Variants in EYA2 observed in about 807,000 individuals in gnomAD.
EYA2 encodes the protein protein phosphatase EYA2.
EYA2 carries 31 observed loss-of-function variants against 69.2 expected under a neutral mutation model. The ratio of observed to expected loss-of-function variants is 0.45; its 90% CI spans 0.34 to 0.60. The LOEUF (loss-of-function observed/expected upper bound fraction) is 0.60. Among genes scored for constraint, EYA2 ranks in the 20% least tolerant of loss-of-function variants. The probability of loss-of-function intolerance (pLI) is 0.02; values close to 1 mark genes in which losing one functional copy is unlikely to be tolerated. For synonymous variants in EYA2, 257 were observed against 279.4 expected, an observed-to-expected ratio of 0.92 and a Z score of 0.80; for missense variants, 622 against 701.2, an observed-to-expected ratio of 0.89 and a Z score of 1.28.
rs1184971102 is a variant in EYA2 at position 47,020,742 on chromosome 20, C to T, written c.415+4445C>T. Among the ~76,000 whole-genome samples, 4 of 152,296 alleles carry T rather than the reference C, an allele frequency of 2.6e-5. No homozygotes were observed. The South Asian group carries it at 8.3e-4, about 32-fold the overall frequency. ...GAAGCACATGGACTTCTCTGTGCCT[C>T]AGTTTCCTCACCTGTGAAACTGGTA... is the stretch of plus-strand genomic sequence containing the variant. On this transcript the variant is annotated intron_variant, in intron 5 of 15. Coordinates refer to ENST00000327619, the MANE Select transcript of EYA2 (RefSeq NM_005244.5).
At chr20:46,973,493 CA>C (rs1178569184) in intron 1 of EYA2, among the ~76,000 whole-genome samples, 1 of 152,162 alleles carries the variant, frequency 6.6e-6, no homozygotes, top group East Asian at 1.9e-4. Flanking sequence ...CACGATGACA[CA>C]AGGAGTGAGT....
chr20:46,981,599 G>C (rs2146313718), intron 1 of EYA2, among the ~76,000 whole-genome samples: 1 of 152,312 alleles, frequency 6.6e-6, no homozygotes, highest in South Asian at 2.1e-4. Context: ...CAGAGCCCTA[G>C]AATCAGTCAA....
At chr20:47,085,284 G>A (rs180907899) in intron 7 of EYA2, among the ~76,000 whole-genome samples, 5 of 152,170 alleles carry the variant, frequency 3.3e-5, no homozygotes, top group Admixed American at 1.3e-4. Flanking sequence ...CAACCCAAAC[G>A]TCTACCTACA....
chr20:47,025,775 C>T (rs1984044203), intron 5 of EYA2, among the ~76,000 whole-genome samples: 1 of 152,228 alleles, frequency 6.6e-6, no homozygotes, highest in African/African-American at 2.4e-5. Flanking sequence ...CCCATTTACA[C>T]TCCCCCCAGC....
At chr20:46,986,409 TATA>T (rs1224700781) in intron 1 of EYA2, among the ~76,000 whole-genome samples, 4 of 147,396 alleles carry the variant, frequency 2.7e-5, no homozygotes, top group African/African-American at 9.9e-5. Context: ...TATAGATCTA[TATA>T]ATATCTATAT....
chr20:47,173,954 C>T (rs2034379842), intron 12 of EYA2, among the ~76,000 whole-genome samples: 2 of 152,212 alleles, frequency 1.3e-5, no homozygotes, highest in Admixed American at 1.3e-4. Flanking sequence ...GTACTAGGAA[C>T]ATTTGCTCAT....
At chr20:47,071,698 C>A (rs993767950) in intron 5 of EYA2, among the ~76,000 whole-genome samples, 6 of 152,148 alleles carry the variant, frequency 3.9e-5, no homozygotes, top group African/African-American at 1.4e-4. Flanking sequence ...TTATTTTCTT[C>A]ATCTATCCAG....
intron 10 of EYA2, among the ~76,000 whole-genome samples, chr20:47,148,058 C>CAAAAAAAAAA (rs1264883844): frequency 8.5e-5 from 7 of 82,832 alleles, no homozygotes; most frequent in South Asian, 3.7e-4. Context: ...GACTCTGTCT[C>CAAAAAAAAAA]AAAAAAAAAA....
intron 2 of EYA2, 149 bp from the exon 3 acceptor site, chr20:47,001,278 TG>T (rs1982349719): frequency 2.8e-6 from 2 of 705,278 alleles, no homozygotes; most frequent in Admixed American, 4.1e-5. Flanking sequence ...TGCTGAGATG[TG>T]GCGCCTCAGA....
rs191445414 is a variant in EYA2, at chr20:47,072,271, C to T, written c.483+19C>T. The T allele has an allele frequency of 8.4e-5, 134 of 1,600,222 alleles. No individual in the cohort carries two copies. The highest frequency in any genetic ancestry group is 5.4e-4 in the Admixed American group (32 of 58,792). ...GCACCAGGTAGACATGGCTCCCTCC[C>T]GATTCTTTCCTCAGTTCTTTCTGGA... is the stretch of plus-strand genomic sequence containing the variant. On this transcript the variant is annotated intron_variant, in intron 6 of 15. Transcript: ENST00000327619.
chr20:47,182,620 A>G (rs2034558847), intron 14 of EYA2, among the ~76,000 whole-genome samples: 1 of 131,968 alleles, frequency 7.6e-6, no homozygotes, highest in South Asian at 2.6e-4. Context: ...CAAGAACGAG[A>G]CTCCGTCTAA....
intron 1 of EYA2, among the ~76,000 whole-genome samples, chr20:46,926,439 G>A (rs1985415320): frequency 1.3e-5 from 2 of 152,190 alleles, no homozygotes. Flanking sequence ...AAGGGCAGGG[G>A]AAGATGAGAT....
chr20:47,168,955 G>A lies in EYA2; in HGVS notation c.979-184G>A, dbSNP rs146523263. ...TATAAGGAAACCAAACAGACAAAGA[G>A]GATGAGATTGAACCCAAGGACCTCT... is the stretch of plus-strand genomic sequence containing the variant. On this transcript the variant is annotated intron_variant, in intron 10 of 15. Transcript: ENST00000327619. Among the ~76,000 whole-genome samples, 342 of 152,238 alleles carry A rather than the reference G, an allele frequency of 2.2e-3. 1 individual carries two copies. The highest frequency in any genetic ancestry group is 8.0e-3 in the African/African-American group (331 of 41,544).
At chr20:46,930,801 C>T (rs1568671756) in intron 1 of EYA2, among the ~76,000 whole-genome samples, 5 of 152,190 alleles carry the variant, frequency 3.3e-5, no homozygotes, top group African/African-American at 9.7e-5. Context: ...TGTTTGGACG[C>T]GTTGACTCTG....
intron 5 of EYA2, among the ~76,000 whole-genome samples, chr20:47,042,576 A>G (rs1985139073): frequency 6.6e-6 from 1 of 152,198 alleles, no homozygotes; most frequent in African/African-American, 2.4e-5. Flanking sequence ...GTTAGGCTGT[A>G]TTTGAGCTTC....
At chr20:46,979,854 C>A (rs1362287256) in intron 1 of EYA2, 1 of 152,230 alleles carries the variant, frequency 6.6e-6, no homozygotes, top group African/African-American at 2.4e-5. Flanking sequence ...TGAATACCCA[C>A]TCACTCGTGC....
chr20:46,914,428 C>T lies in EYA2; in HGVS notation c.-11+19441C>T, dbSNP rs184858722. ...ACACTGCCAATAAAGACATACCCAA[C>T]TGGGTAATTTATAAAGGAAAGAGGT... is the stretch of plus-strand genomic sequence containing the variant. On this transcript the variant is annotated intron_variant, in intron 1 of 15. Coordinates refer to ENST00000327619, the MANE Select transcript of EYA2 (RefSeq NM_005244.5). Among the ~76,000 whole-genome samples, 84 of 152,280 alleles carry T rather than the reference C, an allele frequency of 5.5e-4. 1 individual carries two copies. Among genetic ancestry groups the T allele is most frequent in the Middle Eastern group, 3.4e-3 (1 of 294 alleles).
intron 10 of EYA2, among the ~76,000 whole-genome samples, chr20:47,156,123 CACACATATATATATATATATAT>C (rs1432324582): frequency 2.5e-4 from 6 of 23,966 alleles, no homozygotes; most frequent in South Asian, 1.5e-3. Flanking sequence ...CACACACACA[CACACATATATATATATATATAT>C]ATATATATAT....
Position 47,172,773 on chromosome 20 carries a change from T to C in EYA2, c.1104T>C (p.Ser368=), listed in dbSNP as rs766336051. ...CAGGAGCCAACCTGTGCCTGGGCTC[T>C]GGCGTGCACGGCGGCGTGGACTGGA... is the stretch of plus-strand genomic sequence containing the variant. ...SAPGANLCLG[S]GVHGGVDWMR... The change falls in exon 12 of 16, where the codon TCT becomes TCC. Residue 368 remains serine, a synonymous_variant. Transcript: ENST00000327619. The C allele has an allele frequency of 1.2e-6, 2 of 1,614,162 alleles. No individual in the cohort carries two copies. Among genetic ancestry groups the C allele is most frequent in the Non-Finnish European group, 1.7e-6 (2 of 1,180,020 alleles).
Sources: gnomAD v4.1 joint callset for allele counts (sites outside exome capture counted in the v4.1 genomes callset) on GRCh38, gnomAD v4.1.1 for gene constraint, MANE v1.5 for transcripts, NCBI Gene and HGNC (gene_info 2026-07-23, HGNC 2026-07-21) for gene names.